The following DMD variants were observed in gnomAD, a reference collection of about 807,000 sequenced individuals.
DMD encodes mutant dystrophin.
In DMD, 63 loss-of-function variants were observed where a neutral mutation model predicts 330.1. The ratio of observed to expected loss-of-function variants is 0.19; its 90% confidence interval spans 0.16 to 0.24. The LOEUF is 0.24. Among genes scored for constraint, DMD ranks in the 10% least tolerant of loss-of-function variants. The pLI is 1.00. For missense variants in DMD, 3,344 were observed against 2,684.1 expected, an observed-to-expected ratio of 1.25 and a Z score of -5.43; for synonymous variants, 1,223 against 959.8, an observed-to-expected ratio of 1.27 and a Z score of -5.07.
At chrX:32,783,475 T>G (rs754976062) in intron 7 of DMD, among the ~76,000 whole-genome samples, 1 of 108,252 alleles carries the variant, frequency 9.2e-6, no homozygotes, top group South Asian at 3.9e-4. Flanking sequence ...ATTCAGGAAA[T>G]ACAATAAAAA....
chrX:32,732,664 G>C (rs1036063059), intron 7 of DMD, among the ~76,000 whole-genome samples: 1 of 110,897 alleles, frequency 9.0e-6, no homozygotes, highest in African/African-American at 3.3e-5. Flanking sequence ...GGCAAACTAA[G>C]CTTCATAAGT....
intron 1 of DMD, among the ~76,000 whole-genome samples, chrX:33,144,368 A>G (rs1280733478): frequency 9.0e-6 from 1 of 111,340 alleles, no homozygotes; most frequent in Non-Finnish European, 1.9e-5. Context: ...CTGTACCACA[A>G]TAGGGTGATT....
intron 60 of DMD, among the ~76,000 whole-genome samples, chrX:31,433,833 T>C (rs2064267859): frequency 9.3e-6 from 1 of 107,199 alleles, no homozygotes; most frequent in Admixed American, 9.9e-5. Flanking sequence ...TAGATGTAAG[T>C]ACTACGTCTT....
intron 52 of DMD, among the ~76,000 whole-genome samples, chrX:31,726,140 ACT>A (rs2086031361): frequency 8.9e-6 from 1 of 112,296 alleles, no homozygotes; most frequent in Admixed American, 9.4e-5. Context: ...GACAAAATTT[ACT>A]CTCTTACCTA....
At chrX:32,773,288 C>T (rs972047662) in intron 7 of DMD, among the ~76,000 whole-genome samples, 2 of 111,361 alleles carry the variant, frequency 1.8e-5, no homozygotes, top group African/African-American at 6.5e-5. Context: ...ATTATGACTA[C>T]ATAATAGTTG....
At chrX:31,484,838 T>A (rs2068668359) in intron 57 of DMD, among the ~76,000 whole-genome samples, 2 of 112,248 alleles carry the variant, frequency 1.8e-5, no homozygotes, top group Admixed American at 1.9e-4. Context: ...AGGTACAAAG[T>A]TAGGAAAGAT....
intron 74 of DMD, among the ~76,000 whole-genome samples, chrX:31,158,645 T>A (rs1377819238): frequency 8.9e-6 from 1 of 112,039 alleles, no homozygotes; most frequent in Non-Finnish European, 1.9e-5. Flanking sequence ...ACTCCTATGG[T>A]ACGAGAATTA....
intron 13 of DMD, among the ~76,000 whole-genome samples, chrX:32,580,231 G>T (rs1363424485): frequency 3.6e-5 from 4 of 111,270 alleles, no homozygotes; most frequent in Non-Finnish European, 7.5e-5. Context: ...GCTCCTTGAG[G>T]TGGGCTCCTT....
chrX:32,655,799 C>T (rs1431403981), intron 9 of DMD, among the ~76,000 whole-genome samples: 1 of 111,248 alleles, frequency 9.0e-6, no homozygotes, highest in African/African-American at 3.3e-5. Context: ...TCTATAAGGA[C>T]TTGCTTTATG....
chrX:31,778,872 T>G (rs976341464), intron 50 of DMD, among the ~76,000 whole-genome samples: 4 of 111,756 alleles, frequency 3.6e-5, no homozygotes, highest in African/African-American at 9.8e-5. Flanking sequence ...CCCGGCCTAT[T>G]TATCTTATTT....
intron 43 of DMD, among the ~76,000 whole-genome samples, chrX:32,248,306 A>G (rs763190367): frequency 8.9e-6 from 1 of 111,813 alleles, no homozygotes; most frequent in South Asian, 3.7e-4. Context: ...GGAGATTTAC[A>G]AAAAAGGCAT....
intron 43 of DMD, among the ~76,000 whole-genome samples, chrX:32,236,897 A>C (rs2097189914): frequency 8.9e-6 from 1 of 112,167 alleles, no homozygotes; most frequent in Non-Finnish European, 1.9e-5. Context: ...TTTAAACTTT[A>C]AAAATATTTT....
Position 31,353,028 on chromosome X carries a change from C to T in DMD, c.9085-4394G>A, listed in dbSNP as rs1428328091. Among the ~76,000 whole-genome samples, 3 of 111,379 alleles carry T rather than the reference C, an allele frequency of 2.7e-5. No individual in the cohort carries two copies. In the South Asian group the frequency reaches 1.1e-3, roughly 42 times the overall value. ...TATACCTGTGTCTTATGTTCTGGCA[C>T]AATCAGTTCTTTCCTTGGTGGTTTA... On this transcript the variant is annotated intron_variant, in intron 60 of 78. Transcript: ENST00000357033.
upstream of DMD, among the ~76,000 whole-genome samples, chrX:33,216,152 T>C (rs773614113): frequency 4.2e-4 from 47 of 112,169 alleles, no homozygotes; most frequent in African/African-American, 1.5e-3. Flanking sequence ...ATTCTTCCAA[T>C]CCAAGAGCAT....
intron 19 of DMD, among the ~76,000 whole-genome samples, chrX:32,500,665 CA>C (rs2043963743): frequency 9.0e-6 from 1 of 111,684 alleles, no homozygotes; most frequent in Non-Finnish European, 1.9e-5. Context: ...AATTACCAAG[CA>C]ACATACATCT....
intron 62 of DMD, among the ~76,000 whole-genome samples, chrX:31,265,127 T>C (rs2050903157): frequency 8.9e-6 from 1 of 112,276 alleles, no homozygotes; most frequent in African/African-American, 3.2e-5. Context: ...TGCAGCAATA[T>C]AAAAAGGGAG....
chrX:31,260,831 C>T, intron 63 of DMD, 124 bp downstream of exon 63: 1 of 614,866 alleles, frequency 1.6e-6, no homozygotes. Context: ...GAAGGTGCCA[C>T]TGCTTTCACC....
intron 57 of DMD, among the ~76,000 whole-genome samples, chrX:31,492,580 G>A (rs1384023608): frequency 8.9e-6 from 1 of 112,047 alleles, no homozygotes; most frequent in Non-Finnish European, 1.9e-5. Flanking sequence ...TATGTCGTAT[G>A]TTTATTGAAG....
chrX:31,706,623 A>T (rs749553345), intron 52 of DMD, among the ~76,000 whole-genome samples: 16 of 111,284 alleles, frequency 1.4e-4, no homozygotes, highest in African/African-American at 4.9e-4. Context: ...GCACTAACTT[A>T]TTACATGTAA....
Sources: allele counts gnomAD v4.1 joint callset (sites outside exome capture counted in the v4.1 genomes callset), GRCh38; gene constraint gnomAD v4.1.1; transcripts MANE v1.5; gene names NCBI Gene and HGNC (gene_info 2026-07-23, HGNC 2026-07-21).